The following CLIC6 variants were observed in gnomAD, a reference collection of about 807,000 sequenced individuals.
The protein encoded by CLIC6 is chloride intracellular channel protein 6.
A neutral mutation model predicts 49.2 loss-of-function variants in CLIC6; 39 were observed. That is an observed-to-expected ratio of 0.79 (90% CI 0.61 to 1.04). CLIC6 has a LOEUF of 1.04. Among genes scored for constraint, CLIC6 ranks in the 50% least tolerant of loss-of-function variants. The pLI is 0.00. For missense variants in CLIC6, 988 were observed against 993.1 expected, an observed-to-expected ratio of 0.99 and a Z score of 0.07; for synonymous variants, 446 against 433.4, an observed-to-expected ratio of 1.03 and a Z score of -0.36.
Position 34,670,159 on chromosome 21 carries a change from GGAC to G in CLIC6, c.773_775del (p.Asp258del). On this transcript the variant is annotated inframe_deletion, in exon 1 of 6. Transcript: ENST00000349499. ...GCGTAGAGGCGGGGGACCCGGCGGG[GGAC>G]GGCGTAGAAGCGGGGGTCCCGGCGG... 3 of 1,389,674 alleles carry G rather than the reference GGAC, an allele frequency of 2.2e-6. No individual in the cohort carries two copies. The highest frequency in any genetic ancestry group is 1.6e-5 in the South Asian group (1 of 61,828). 86.1% of individuals were successfully genotyped at this position (1,389,674 alleles called of 1,614,324 possible).
At chr21:34,675,252 CAA>C (rs71196903) in intron 1 of CLIC6, among the ~76,000 whole-genome samples, 30 of 100,948 alleles carry the variant, frequency 3.0e-4, no homozygotes, top group Admixed American at 3.2e-4. Context: ...CCCGCCCCTC[CAA>C]AAAAAAAAAA....
intron 1 of CLIC6, among the ~76,000 whole-genome samples, chr21:34,686,869 A>G (rs1230847453): frequency 6.6e-6 from 1 of 152,160 alleles, no homozygotes; most frequent in Non-Finnish European, 1.5e-5. Flanking sequence ...GACACTGGGC[A>G]TGTGTATGAA....
rs558964621 is a variant in CLIC6 at position 34,688,075 on chromosome 21, A to T, written c.1374+17313A>T. 2.0e-5 allele frequency among the ~76,000 whole-genome samples: 3 copies of T among 152,318 alleles called. No homozygotes were observed. The South Asian group carries it at 6.2e-4, about 32-fold the overall frequency. On this transcript the variant is annotated intron_variant, in intron 1 of 5. Transcript: ENST00000349499. ...GGACTTTTATTTATTTACAAAAAAA[A>T]ATTTCTTTTCTAAAATAGGCCTTGC...
At chr21:34,714,899 T>C (rs1485688495) in intron 5 of CLIC6, among the ~76,000 whole-genome samples, 2 of 152,138 alleles carry the variant, frequency 1.3e-5, no homozygotes, top group Non-Finnish European at 2.9e-5. Context: ...TCAGGAATGT[T>C]AAAATAAAAA....
chr21:34,699,042 G>A (rs150565125), intron 1 of CLIC6, among the ~76,000 whole-genome samples: 65 of 152,210 alleles, frequency 4.3e-4, no homozygotes, highest in African/African-American at 1.4e-3. Context: ...GAGAGAGAGC[G>A]CACTTTATTC....
intron 1 of CLIC6, among the ~76,000 whole-genome samples, chr21:34,675,594 G>A (rs768051509): frequency 1.3e-5 from 2 of 152,126 alleles, no homozygotes; most frequent in Non-Finnish European, 2.9e-5. Flanking sequence ...TCAGTACCGG[G>A]TTACTTGGGG....
intron 1 of CLIC6, among the ~76,000 whole-genome samples, chr21:34,683,089 G>A (rs575631364): frequency 2.0e-5 from 3 of 151,808 alleles, no homozygotes; most frequent in African/African-American, 4.8e-5. Flanking sequence ...AGGATTACAG[G>A]CGTGAGCCAC....
intron 1 of CLIC6, among the ~76,000 whole-genome samples, chr21:34,674,985 C>T (rs1268534533): frequency 6.6e-6 from 1 of 152,080 alleles, no homozygotes; most frequent in Non-Finnish European, 1.5e-5. Context: ...TTGGGTGGGA[C>T]AGTCTGAGCT....
At chr21:34,689,690 G>T (rs1478169813) in intron 1 of CLIC6, among the ~76,000 whole-genome samples, 1 of 151,804 alleles carries the variant, frequency 6.6e-6, no homozygotes, top group East Asian at 1.9e-4. Context: ...AAACTCCCCA[G>T]TGCAGGCTGG....
At chr21:34,686,667 G>A (rs144646541) in intron 1 of CLIC6, among the ~76,000 whole-genome samples, 18 of 152,284 alleles carry the variant, frequency 1.2e-4, no homozygotes, top group African/African-American at 4.3e-4. Context: ...CCATCCTGAG[G>A]TCACCATGCT....
intron 1 of CLIC6, among the ~76,000 whole-genome samples, chr21:34,698,503 G>A (rs774544247): frequency 5.9e-5 from 9 of 151,482 alleles, no homozygotes; most frequent in Non-Finnish European, 1.2e-4. Context: ...AGGAAGGAAA[G>A]AGGAAGGAAG....
chr21:34,708,778 A>G lies in CLIC6; in HGVS notation c.1689A>G (p.Ile563Met). Residue 563 changes from isoleucine to methionine, a missense_variant, in exon 4 of 6, where the codon ATA (isoleucine) becomes ATG (methionine). By Grantham distance (10) the Ile-to-Met change is conservative (BLOSUM62 1). This residue lies in a region of CLIC6 where 647 missense variants were observed against 596.9 expected (regional missense o/e 1.08). Coordinates refer to ENST00000349499, the MANE Select transcript of CLIC6 (RefSeq NM_053277.3). ...TGTTTGCCAAATTCTCAGCGTTTATAAAAAACACGAAGAAGGATGCAAATG... is the reference window on the plus strand; with the variant it reads ...TGTTTGCCAAATTCTCAGCGTTTATGAAAAACACGAAGAAGGATGCAAATG... ...NDVFAKFSAF[I>M]KNTKKDANEI... 1 of 1,613,826 alleles carries G rather than the reference A, an allele frequency of 6.2e-7. No individual in the cohort carries two copies. The highest frequency in any genetic ancestry group is 2.2e-5 in the East Asian group (1 of 44,882).
At chr21:34,688,410 C>A (rs187942883) in intron 1 of CLIC6, among the ~76,000 whole-genome samples, 8 of 152,328 alleles carry the variant, frequency 5.3e-5, no homozygotes, top group African/African-American at 1.9e-4. Flanking sequence ...GACGGTTCAC[C>A]CGGGTGGTCT....
At chr21:34,689,121 C>T (rs1989939407) in intron 1 of CLIC6, among the ~76,000 whole-genome samples, 1 of 152,202 alleles carries the variant, frequency 6.6e-6, no homozygotes, top group Admixed American at 6.5e-5. Context: ...GAGGACCCTG[C>T]CCACACCTGC....
intron 5 of CLIC6, among the ~76,000 whole-genome samples, chr21:34,711,980 C>T (rs902933059): frequency 3.9e-5 from 6 of 152,174 alleles, no homozygotes; most frequent in African/African-American, 1.4e-4. Flanking sequence ...CGTAGCATTG[C>T]AGAAACACAT....
intron 1 of CLIC6, among the ~76,000 whole-genome samples, chr21:34,702,100 G>A (rs1460477095): frequency 6.6e-6 from 1 of 152,214 alleles, no homozygotes; most frequent in Non-Finnish European, 1.5e-5. Context: ...GCGCATGGGA[G>A]CCACTGGATT....
In CLIC6 at chr21:34,669,623, G is replaced by T; in HGVS notation, c.235G>T (p.Ala79Ser). The change falls in exon 1 of 6, where the codon GCG becomes TCG. Residue 79 changes from alanine (A) to serine (S), a missense_variant. Transcript: ENST00000349499. The part of the protein sequence containing the change: ...PEAEARGTRG[A>S]HGETEAEEGA... Reference sequence around the variant, plus strand: ...GGCCGAGGCGCGGGGCACGAGGGGGGCGCACGGCGAGACTGAGGCCGAGGA... The same window carrying T: ...GGCCGAGGCGCGGGGCACGAGGGGGTCGCACGGCGAGACTGAGGCCGAGGA... 1 of 1,282,262 alleles carries T rather than the reference G, an allele frequency of 7.8e-7. No individual in the cohort carries two copies. The highest frequency in any genetic ancestry group is 9.8e-7 in the Non-Finnish European group (1 of 1,017,684). 79.4% of individuals were successfully genotyped at this position (1,282,262 alleles called of 1,614,324 possible). A position where few individuals can be genotyped will look rare whatever the true frequency, so the allele number is the denominator to read the frequency against.
intron 1 of CLIC6, among the ~76,000 whole-genome samples, chr21:34,679,341 A>G (rs1209444775): frequency 6.6e-6 from 1 of 152,108 alleles, no homozygotes; most frequent in African/African-American, 2.4e-5. Flanking sequence ...CATGGGGGAA[A>G]CTTCTCTCAT....
rs1190111046 is a variant in CLIC6 at position 34,669,429 on chromosome 21, C to A, written c.41C>A (p.Pro14His). 1 of 1,234,902 alleles carries A rather than the reference C, an allele frequency of 8.1e-7. No individual in the cohort carries two copies. The highest frequency in any genetic ancestry group is 1.6e-5 in the African/African-American group (1 of 64,424). 76.5% of individuals were successfully genotyped at this position (1,234,902 alleles called of 1,614,324 possible). ...AAEPEGVAPG[P>H]QGPPEVPAPL... ...GAGCCGGAGGGGGTTGCCCCGGGTC[C>A]CCAGGGGCCGCCGGAGGTCCCCGCG... The change falls in exon 1 of 6, where the codon CCC (proline) becomes CAC (histidine). Residue 14 changes from proline to histidine, a missense_variant. Physicochemically the swap from Pro to His is moderately conservative, Grantham distance 77. Coordinates refer to ENST00000349499, the MANE Select transcript of CLIC6 (RefSeq NM_053277.3).
Sources: gnomAD v4.1 joint callset for allele counts (sites outside exome capture counted in the v4.1 genomes callset) on GRCh38, gnomAD v4.1.1 for gene constraint, gnomAD v4.1.1 regional missense constraint, MANE v1.5 for transcripts, NCBI Gene and HGNC (gene_info 2026-07-23, HGNC 2026-07-21) for gene names.